The following BTBD8 variants were observed in gnomAD, a reference collection of about 807,000 sequenced individuals.
The protein encoded by BTBD8 is BTB domain containing 8, also known as BTB/POZ domain-containing protein 8.
A neutral mutation model predicts 162.9 loss-of-function variants in BTBD8; 110 were observed. The ratio of observed to expected loss-of-function variants is 0.68; its 90% CI spans 0.58 to 0.79. BTBD8 has a LOEUF of 0.79. BTBD8 is among the 30% of genes least tolerant of loss of function. The pLI is 0.00. For missense variants in BTBD8, 1,905 were observed against 2,085.4 expected, an observed-to-expected ratio of 0.91 and a Z score of 1.68; for synonymous variants, 667 against 716.1, an observed-to-expected ratio of 0.93 and a Z score of 1.10.
intron 1 of BTBD8, among the ~76,000 whole-genome samples, chr1:92,082,225 A>T (rs74102820): frequency 0.011 from 1,600 of 152,092 alleles, 19 homozygotes; most frequent in African/African-American, 0.028. Flanking sequence ...GTTTTTTTTT[A>T]AAACAAAACA....
chr1:92,092,355 G>C (rs1648330513), intron 2 of BTBD8, among the ~76,000 whole-genome samples: 1 of 150,258 alleles, frequency 6.7e-6, no homozygotes. Flanking sequence ...CTGAGATCAT[G>C]CCACAGCACC....
At chr1:92,143,223 T>G (rs1649818766) in intron 7 of BTBD8, among the ~76,000 whole-genome samples, 2 of 152,202 alleles carry the variant, frequency 1.3e-5, no homozygotes, top group African/African-American at 2.4e-5. Flanking sequence ...GAGCTGAGAT[T>G]CTTCAGTAAG....
intron 1 of BTBD8, 42 bp downstream of exon 1, chr1:92,080,762 C>T (rs1335184673): frequency 3.8e-6 from 6 of 1,568,660 alleles, no homozygotes; most frequent in Admixed American, 4.1e-5. Context: ...GTTCCTAAAT[C>T]GCCCACCTCC....
intron 16 of BTBD8, among the ~76,000 whole-genome samples, chr1:92,179,327 C>T (rs1215448235): frequency 6.6e-6 from 1 of 151,934 alleles, no homozygotes; most frequent in African/African-American, 2.4e-5. Context: ...ATTTCCCTTC[C>T]AGAATCTGTG....
intron 4 of BTBD8, among the ~76,000 whole-genome samples, chr1:92,121,525 TTC>T (rs1339953208): frequency 3.3e-5 from 5 of 152,234 alleles, no homozygotes; most frequent in Non-Finnish European, 1.5e-5. Flanking sequence ...GCCTGTTACT[TTC>T]TTTCTTGAGT....
chr1:92,147,400 C>CT, intron 8 of BTBD8, 132 bp downstream of exon 8: 1 of 685,552 alleles, frequency 1.5e-6, no homozygotes, highest in Non-Finnish European at 2.4e-6. Context: ...TAGTGCTAAA[C>CT]TAGTTTCACC....
chr1:92,105,157 C>T (rs922486089), intron 3 of BTBD8, among the ~76,000 whole-genome samples: 1 of 152,158 alleles, frequency 6.6e-6, no homozygotes, highest in Non-Finnish European at 1.5e-5. Flanking sequence ...TGGTCTTGAT[C>T]TCCTGACCTT....
At chr1:92,130,179 G>A (rs1649477868) in intron 5 of BTBD8, among the ~76,000 whole-genome samples, 1 of 151,956 alleles carries the variant, frequency 6.6e-6, no homozygotes, top group Admixed American at 6.6e-5. Flanking sequence ...GAGTTTTATG[G>A]TATTTCTTCT....
intron 13 of BTBD8, among the ~76,000 whole-genome samples, chr1:92,174,922 GTTATT>G (rs1318281644): frequency 6.6e-6 from 1 of 152,036 alleles, no homozygotes; most frequent in African/African-American, 2.4e-5. Flanking sequence ...ATTCATATAT[GTTATT>G]TTATCTTTGA....
chr1:92,136,937 T>G (rs1649648701), intron 5 of BTBD8, among the ~76,000 whole-genome samples: 1 of 152,200 alleles, frequency 6.6e-6, no homozygotes, highest in Non-Finnish European at 1.5e-5. Flanking sequence ...GTTTTTAACA[T>G]TCAGTAATTT....
chr1:92,141,395 A>G (rs1183190009), intron 7 of BTBD8, among the ~76,000 whole-genome samples, 184 bp downstream of exon 7: 1 of 152,206 alleles, frequency 6.6e-6, no homozygotes, highest in East Asian at 1.9e-4. Flanking sequence ...AACTAATTCA[A>G]ATAATTTTAA....
At chr1:92,115,118 A>T (rs1254409440) in intron 4 of BTBD8, 2 of 468,654 alleles carry the variant, frequency 4.3e-6, no homozygotes, top group Non-Finnish European at 8.4e-6. Flanking sequence ...AGGCCACGCC[A>T]TTGAGCTTCC....
In BTBD8 at chr1:92,181,294, G is replaced by A; in HGVS notation, c.3611G>A (p.Gly1204Glu). 1 of 1,551,410 alleles carries A rather than the reference G, an allele frequency of 6.4e-7. No individual in the cohort carries two copies. The highest frequency in any genetic ancestry group is 8.7e-7 in the Non-Finnish European group (1 of 1,146,940). ...DSDVSSKCFS[G>E]QLSEKNSPKN... ...GATGTATCTTCCAAGTGTTTTTCGG[G>A]ACAGCTATCAGAAAAAAATTCTCCT... is the stretch of plus-strand genomic sequence containing the variant. The change falls in exon 17 of 18, where the codon GGA becomes GAA. Residue 1204 changes from glycine to glutamate, a missense_variant. Physicochemically the swap from Gly to Glu is moderately conservative, Grantham distance 98. Around this residue, in one of 3 missense-constraint regions of BTBD8, gnomAD observed 1,374 missense variants for 1,442.7 expected, o/e 0.95. Coordinates refer to ENST00000636805, the MANE Select transcript of BTBD8 (RefSeq NM_001376131.1).
Position 92,177,101 on chromosome 1 carries a change from T to C in BTBD8, c.1908T>C (p.Thr636=). 6.4e-7 allele frequency: 1 copy of C among 1,551,564 alleles called. No homozygotes were observed. The highest frequency in any genetic ancestry group is 1.2e-5 in the South Asian group (1 of 84,062). The change falls in exon 14 of 18, where the codon ACT becomes ACC. Residue 636 remains threonine (T), a synonymous_variant. Coordinates refer to ENST00000636805, the MANE Select transcript of BTBD8 (RefSeq NM_001376131.1). ...AAAATGTTTCTGGAAAGCCCAAAAC[T>C]GTAACAAAATCCAAAACAGAAAATG... is the stretch of plus-strand genomic sequence containing the variant. ...GGKNVSGKPK[T]VTKSKTENGD...
chr1:92,168,903 T>C lies in BTBD8; in HGVS notation c.1481T>C (p.Leu494Pro). 1 of 1,544,888 alleles carries C rather than the reference T, an allele frequency of 6.5e-7. No homozygotes were observed. The highest frequency in any genetic ancestry group is 1.2e-5 in the South Asian group (1 of 83,318). The change falls in exon 12 of 18, where the codon CTG (leucine) becomes CCG (proline). Residue 494 changes from leucine to proline, a missense_variant. This residue lies in a region of BTBD8 where 1,374 missense variants were observed against 1,442.7 expected (regional missense o/e 0.95). Transcript: ENST00000636805. The stretch of plus-strand genomic sequence containing the variant: ...AAGATCCAGGCTCTGCGTGATAAGC[T>C]GTGGATCTTCCTGGTTCAGTCTTTC... ...TCKIQALRDKLWIFLVQSFYA... is the reference protein window; with the variant it reads ...TCKIQALRDKPWIFLVQSFYA...
At position 92,144,983 on chromosome 1, in the gene BTBD8, TCTCA is replaced by T. The variant is rs201424764; in HGVS notation, c.931-2192_931-2189del. Among the ~76,000 whole-genome samples, 463 of 152,214 alleles carry T rather than the reference TCTCA, an allele frequency of 3.0e-3. 3 individuals are homozygous for T. Among genetic ancestry groups the T allele is most frequent in the African/African-American group, 0.011 (448 of 41,528 alleles). On this transcript the variant is annotated intron_variant, in intron 7 of 17. Coordinates refer to ENST00000636805, the MANE Select transcript of BTBD8 (RefSeq NM_001376131.1). ...TTTGTTGTTGTTTTTTTGAGATGAG[TCTCA>T]CTCATTCAGTCACCCAGGCTGGAGT... is the stretch of plus-strand genomic sequence containing the variant.
chr1:92,178,209 G>T, intron 15 of BTBD8, 103 bp from the exon 16 acceptor site: 1 of 853,588 alleles, frequency 1.2e-6, no homozygotes, highest in Non-Finnish European at 1.8e-6. Context: ...CAGGAGAGAT[G>T]TATTTTTTAT....
At chr1:92,100,149 G>A (rs1278240586) in intron 2 of BTBD8, among the ~76,000 whole-genome samples, 2 of 152,188 alleles carry the variant, frequency 1.3e-5, no homozygotes, top group Non-Finnish European at 2.9e-5. Flanking sequence ...CTGATATGGT[G>A]TATAACATTA....
chr1:92,134,036 A>G (rs1649573042), intron 5 of BTBD8, among the ~76,000 whole-genome samples: 1 of 152,120 alleles, frequency 6.6e-6, no homozygotes, highest in Admixed American at 6.5e-5. Flanking sequence ...GTGGAAGGAT[A>G]TAGTTGGAAG....
Sources: gnomAD v4.1 joint callset for allele counts (sites outside exome capture counted in the v4.1 genomes callset) on GRCh38, gnomAD v4.1.1 for gene constraint, gnomAD v4.1.1 regional missense constraint, MANE v1.5 for transcripts, NCBI Gene and HGNC (gene_info 2026-07-23, HGNC 2026-07-21) for gene names.